Variants in AGBL4 observed in about 807,000 individuals in gnomAD.
AGBL4 encodes cytosolic carboxypeptidase 6.
Under a neutral mutation model 66.4 loss-of-function variants are expected in AGBL4, and 58 were observed. That is an observed-to-expected ratio of 0.87 (90% CI 0.71 to 1.09). The LOEUF is 1.09. Among genes scored for constraint, AGBL4 ranks in the 50% least tolerant of loss-of-function variants. The probability of loss-of-function intolerance (pLI) is 0.00; values close to 1 mark genes in which losing one functional copy is unlikely to be tolerated. For synonymous variants in AGBL4, 234 were observed against 222.9 expected, an observed-to-expected ratio of 1.05 and a Z score of -0.44; for missense variants, 579 against 631.0, an observed-to-expected ratio of 0.92 and a Z score of 0.88.
intron 6 of AGBL4, among the ~76,000 whole-genome samples, chr1:48,755,260 G>A (rs550458937): frequency 2.1e-4 from 32 of 152,212 alleles, no homozygotes; most frequent in African/African-American, 7.2e-4. Context: ...AAGACCAGGC[G>A]GCTGCTCTCC....
At chr1:49,614,449 ATATGATT>A (rs1297075085) in intron 3 of AGBL4, among the ~76,000 whole-genome samples, 1 of 152,178 alleles carries the variant, frequency 6.6e-6, no homozygotes, top group Admixed American at 6.5e-5. Flanking sequence ...TGTGTCAATT[ATATGATT>A]TATAGCCATT....
chr1:49,699,064 C>T (rs1469688157), intron 2 of AGBL4, among the ~76,000 whole-genome samples: 3 of 152,070 alleles, frequency 2.0e-5, no homozygotes, highest in Non-Finnish European at 4.4e-5. Flanking sequence ...AAATTAAACA[C>T]TTCTGATTTC....
At chr1:49,325,616 T>C (rs1445326366) in intron 3 of AGBL4, among the ~76,000 whole-genome samples, 1 of 152,192 alleles carries the variant, frequency 6.6e-6, no homozygotes, top group African/African-American at 2.4e-5. Context: ...TAATAACCGA[T>C]TCAAGAAACC....
At chr1:49,665,704 A>G (rs944225799) in intron 3 of AGBL4, among the ~76,000 whole-genome samples, 1 of 152,122 alleles carries the variant, frequency 6.6e-6, no homozygotes, top group Non-Finnish European at 1.5e-5. Context: ...TTTTTGTTAT[A>G]GGATTTCTAA....
intron 1 of AGBL4, among the ~76,000 whole-genome samples, chr1:49,912,405 G>A (rs954600563): frequency 2.0e-5 from 3 of 152,190 alleles, no homozygotes; most frequent in African/African-American, 4.8e-5. Context: ...CTCTGAGAAC[G>A]CAGTAATAAG....
chr1:49,210,686 T>G (rs779276591), intron 4 of AGBL4, among the ~76,000 whole-genome samples: 9 of 151,920 alleles, frequency 5.9e-5, no homozygotes, highest in Admixed American at 1.3e-4. Context: ...AGGCAAAAAG[T>G]CATATTGTTT....
intron 1 of AGBL4, among the ~76,000 whole-genome samples, chr1:49,859,806 T>C (rs1384184182): frequency 6.6e-6 from 1 of 152,082 alleles, no homozygotes; most frequent in Admixed American, 6.5e-5. Context: ...ATACTGTCCC[T>C]ATTCATACAC....
chr1:48,844,686 C>G (rs1646873998), intron 6 of AGBL4, among the ~76,000 whole-genome samples: 1 of 152,236 alleles, frequency 6.6e-6, no homozygotes, highest in African/African-American at 2.4e-5. Flanking sequence ...CCTCCTTTGT[C>G]AGCGTTCTTG....
chr1:49,814,381 T>C (rs982914011), intron 2 of AGBL4, among the ~76,000 whole-genome samples: 10 of 152,142 alleles, frequency 6.6e-5, no homozygotes. Flanking sequence ...TATCAGCCCC[T>C]ACAGCCTTAT....
intron 2 of AGBL4, among the ~76,000 whole-genome samples, chr1:49,789,679 A>G (rs1644546260): frequency 6.6e-6 from 1 of 152,182 alleles, no homozygotes; most frequent in Non-Finnish European, 1.5e-5. Flanking sequence ...TCAAGGAAAT[A>G]AGAGAGGACA....
intron 1 of AGBL4, among the ~76,000 whole-genome samples, chr1:49,865,459 A>C (rs1248962020): frequency 2.0e-5 from 3 of 152,180 alleles, no homozygotes; most frequent in Admixed American, 6.5e-5. Flanking sequence ...AGAGGGACCC[A>C]GGCAAATAGA....
intron 3 of AGBL4, among the ~76,000 whole-genome samples, chr1:49,407,207 T>C (rs61783596): frequency 0.02 from 2,981 of 152,224 alleles, 49 homozygotes; most frequent in South Asian, 0.039. Flanking sequence ...GTAAGCAGAT[T>C]GTCCTCTATA....
chr1:48,624,889 GGT>G (rs56678913), intron 9 of AGBL4, among the ~76,000 whole-genome samples: 69,399 of 147,538 alleles, frequency 0.47, 17,498 homozygotes, highest in Middle Eastern at 0.66. Context: ...GTTAATTCCA[GGT>G]GTGTGTGTGT....
chr1:49,165,058 T>C (rs1204948684), intron 4 of AGBL4, among the ~76,000 whole-genome samples: 1 of 152,150 alleles, frequency 6.6e-6, no homozygotes, highest in Non-Finnish European at 1.5e-5. Context: ...ATAATGTGTA[T>C]GCCTGAAACA....
At chr1:49,080,176 C>G (rs1327598777) in intron 4 of AGBL4, among the ~76,000 whole-genome samples, 1 of 151,988 alleles carries the variant, frequency 6.6e-6, no homozygotes, top group Non-Finnish European at 1.5e-5. Flanking sequence ...ACAAAACAAA[C>G]AGAATACCAC....
At chr1:49,983,568 G>T (rs1378607319) in intron 1 of AGBL4, among the ~76,000 whole-genome samples, 2 of 152,232 alleles carry the variant, frequency 1.3e-5, no homozygotes, top group Non-Finnish European at 2.9e-5. Flanking sequence ...CCCTAGTTTT[G>T]CTTGGCCAAA....
chr1:49,106,035 A>G (rs1302791495), intron 4 of AGBL4, among the ~76,000 whole-genome samples: 1 of 152,212 alleles, frequency 6.6e-6, no homozygotes, highest in Non-Finnish European at 1.5e-5. Flanking sequence ...TAACTTGAAA[A>G]CATATCTTTT....
chr1:49,128,440 C>T (rs1411252049), intron 4 of AGBL4, among the ~76,000 whole-genome samples: 1 of 151,964 alleles, frequency 6.6e-6, no homozygotes, highest in African/African-American at 2.4e-5. Flanking sequence ...GCCTATACTA[C>T]CTGATTTTAA....
intron 3 of AGBL4, among the ~76,000 whole-genome samples, chr1:49,672,229 C>G (rs1011774569): frequency 6.6e-6 from 1 of 151,478 alleles, no homozygotes; most frequent in Non-Finnish European, 1.5e-5. Context: ...TAAACTAACA[C>G]AAGAACAGAA....
Sources: gnomAD v4.1 joint callset for allele counts (sites outside exome capture counted in the v4.1 genomes callset) on GRCh38, gnomAD v4.1.1 for gene constraint, MANE v1.5 for transcripts, NCBI Gene and HGNC (gene_info 2026-07-23, HGNC 2026-07-21) for gene names.